The following PALM variants were observed in gnomAD, a reference collection of about 807,000 sequenced individuals.
The protein encoded by PALM is paralemmin-1.
PALM carries 18 observed loss-of-function variants against 30.7 expected under a neutral mutation model. The observed-to-expected ratio is 0.59, with a 90% CI of 0.41 to 0.87. The LOEUF is 0.87. Among genes scored for constraint, PALM ranks in the 40% least tolerant of loss-of-function variants. The probability of loss-of-function intolerance (pLI) is 0.00; values close to 1 mark genes in which losing one functional copy is unlikely to be tolerated. For synonymous variants in PALM, 286 were observed against 242.8 expected, an observed-to-expected ratio of 1.18 and a Z score of -1.66; for missense variants, 529 against 555.4, an observed-to-expected ratio of 0.95 and a Z score of 0.48.
At chr19:717,217 C>T (rs1198898726) in intron 1 of PALM, among the ~76,000 whole-genome samples, 5 of 152,098 alleles carry the variant, frequency 3.3e-5, no homozygotes, top group African/African-American at 9.7e-5. Context: ...TGTGAGCCAC[C>T]GCGCCCAGCA....
Position 746,367 on chromosome 19 carries a change from G to A in PALM, c.717G>A (p.Ala239=), listed in dbSNP as rs113723569. Residue 239 remains alanine (A), a synonymous_variant, in exon 9 of 9, where the codon GCG becomes GCA. Coordinates refer to ENST00000338448, the MANE Select transcript of PALM (RefSeq NM_002579.3). The surrounding 1 kb of genome is among the most constrained non-coding windows in gnomAD (Gnocchi z 7.1). ...SSEVDELIHK[A]DEVTLSEAGS... is the part of the protein sequence containing the mutation. ...AGGTGGACGAACTCATCCACAAAGC[G>A]GACGAGGTCACGCTGAGCGAGGCAG... is the stretch of plus-strand genomic sequence containing the variant. 5.0e-5 allele frequency: 81 copies of A among 1,613,478 alleles called. No individual in the cohort carries two copies. The highest frequency in any genetic ancestry group is 1.7e-4 in the Middle Eastern group (1 of 6,060).
At chr19:711,031 G>C (rs1416589549) in intron 1 of PALM, among the ~76,000 whole-genome samples, 1 of 152,244 alleles carries the variant, frequency 6.6e-6, no homozygotes, top group Admixed American at 6.5e-5. Flanking sequence ...TCGAAGACAC[G>C]GGAGCTGGCT....
intron 1 of PALM, among the ~76,000 whole-genome samples, chr19:718,027 C>G (rs926923618): frequency 2.0e-5 from 3 of 152,004 alleles, no homozygotes; most frequent in Non-Finnish European, 4.4e-5. Context: ...ACTAAAAATA[C>G]GAAAATTAGC....
At chr19:738,418 C>T (rs557851909) in intron 7 of PALM, among the ~76,000 whole-genome samples, 5 of 152,114 alleles carry the variant, frequency 3.3e-5, no homozygotes, top group East Asian at 1.9e-4. Context: ...CCCAGCTGCT[C>T]GGGAGCCTTA....
Position 722,111 on chromosome 19 carries a change from G to T in PALM, c.6-4027G>T, listed in dbSNP as rs528785159. Among the ~76,000 whole-genome samples, 3 of 150,468 alleles carry T rather than the reference G, an allele frequency of 2.0e-5. No individual in the cohort carries two copies. In the East Asian group the frequency reaches 5.9e-4, roughly 30 times the overall value. Reference sequence around the variant, plus strand: ...TTTTTTGTGTTTTTAGTAGAGACGGGGTTTCACCGTGTTAGCCAGGATGGT... The same window carrying T: ...TTTTTTGTGTTTTTAGTAGAGACGGTGTTTCACCGTGTTAGCCAGGATGGT... On this transcript the variant is annotated intron_variant, in intron 1 of 8. Coordinates refer to ENST00000338448, the MANE Select transcript of PALM (RefSeq NM_002579.3).
intron 1 of PALM, among the ~76,000 whole-genome samples, chr19:720,219 C>G (rs1008220453): frequency 6.6e-6 from 1 of 151,944 alleles, no homozygotes; most frequent in African/African-American, 2.4e-5. Flanking sequence ...CCCCGCGCGC[C>G]GGGCCTCGGC....
chr19:736,771 C>T (rs951337737), intron 7 of PALM, among the ~76,000 whole-genome samples: 16 of 152,174 alleles, frequency 1.1e-4, no homozygotes, highest in East Asian at 3.9e-4. Context: ...GGCAGAGGGC[C>T]GGGCGTGGTG....
intron 4 of PALM, among the ~76,000 whole-genome samples, chr19:728,521 G>A (rs749234288): frequency 3.3e-5 from 5 of 152,194 alleles, no homozygotes; most frequent in Non-Finnish European, 4.4e-5. Flanking sequence ...GTAAAGGCAT[G>A]GACAGGCCGG....
intron 2 of PALM, among the ~76,000 whole-genome samples, 184 bp from the exon 3 acceptor site, chr19:726,824 G>A (rs2032677135): frequency 6.6e-6 from 1 of 152,186 alleles, no homozygotes; most frequent in Non-Finnish European, 1.5e-5. Flanking sequence ...TTCGAGACAG[G>A]GTCTTGCGCT....
In PALM at chr19:727,696, TG is replaced by T. The variant is rs1472787748; in HGVS notation, c.269+7del. 1 of 1,551,618 alleles carries T rather than the reference TG, an allele frequency of 6.4e-7. No homozygotes were observed. The highest frequency in any genetic ancestry group is 8.7e-7 in the Non-Finnish European group (1 of 1,147,434). On this transcript the variant is annotated splice_donor_region_variant and intron_variant, in intron 4 of 8. Coordinates refer to ENST00000338448, the MANE Select transcript of PALM (RefSeq NM_002579.3). ...GCTGCTGGAGGACTCGGTGTCCAGG[TG>T]GGGGCTGCAGCGTGGGTGCCACCGG...
chr19:725,383 A>G (rs2032626288), intron 1 of PALM, among the ~76,000 whole-genome samples: 1 of 148,836 alleles, frequency 6.7e-6, no homozygotes, highest in East Asian at 2.0e-4. Flanking sequence ...ACATGGTGAA[A>G]CCCCTGTCTC....
intron 2 of PALM, 43 bp from the exon 3 acceptor site, chr19:726,965 G>GGGGGGGGGGCCCCCCCCC: frequency 9.6e-7 from 1 of 1,037,618 alleles, no homozygotes; most frequent in Non-Finnish European, 1.4e-6. Context: ...GGGTCTCCGG[G>GGGGGGGGGGCCCCCCCCC]ACCCCCACGC....
chr19:732,701 AAAC>A (rs2032910915), intron 5 of PALM, among the ~76,000 whole-genome samples: 1 of 151,938 alleles, frequency 6.6e-6, no homozygotes, highest in African/African-American at 2.4e-5. Flanking sequence ...CTAAAAAAAA[AAAC>A]CTGGTTCTGG....
chr19:734,068 C>T (rs1036752728), intron 5 of PALM, 105 bp from the exon 6 acceptor site: 12 of 948,074 alleles, frequency 1.3e-5, no homozygotes, highest in African/African-American at 6.5e-5. Flanking sequence ...GTGCGTATGA[C>T]GTCACCCACT....
chr19:729,788 C>T (rs901840689), intron 4 of PALM, among the ~76,000 whole-genome samples: 1 of 152,098 alleles, frequency 6.6e-6, no homozygotes, highest in Non-Finnish European at 1.5e-5. Context: ...TTCCAGCAAA[C>T]ATTAAGCACC....
rs373209337 is a variant in PALM at position 727,775 on chromosome 19, G to T, written c.269+81G>T. 4.7e-5 allele frequency: 64 copies of T among 1,352,628 alleles called. No homozygotes were observed. The African/African-American group carries it at 7.9e-4, about 17-fold the overall frequency. 83.8% of individuals were successfully genotyped at this position (1,352,628 alleles called of 1,614,324 possible). A position where few individuals can be genotyped will look rare whatever the true frequency, so the allele number is the denominator to read the frequency against. ...CTCCCGGGAGGGTGTGGGCTGGGAAGAGTCGTCAGTGTGCTTTGAGGGAGA... is the reference window on the plus strand; with the variant it reads ...CTCCCGGGAGGGTGTGGGCTGGGAATAGTCGTCAGTGTGCTTTGAGGGAGA... On this transcript the variant is annotated intron_variant, in intron 4 of 8. Coordinates refer to ENST00000338448, the MANE Select transcript of PALM (RefSeq NM_002579.3).
At chr19:718,362 C>T (rs146877072) in intron 1 of PALM, among the ~76,000 whole-genome samples, 2 of 152,282 alleles carry the variant, frequency 1.3e-5, no homozygotes, top group East Asian at 3.9e-4. Flanking sequence ...ATGCAGCCAG[C>T]ACAATGGCCC....
At chr19:738,692 G>A (rs940314936) in intron 7 of PALM, among the ~76,000 whole-genome samples, 5 of 152,118 alleles carry the variant, frequency 3.3e-5, no homozygotes, top group Non-Finnish European at 7.4e-5. Flanking sequence ...ATGGGTGTGC[G>A]GGAGATTAGA....
At chr19:741,920 C>G (rs1433120164) in intron 8 of PALM, among the ~76,000 whole-genome samples, 2 of 152,172 alleles carry the variant, frequency 1.3e-5, no homozygotes, top group African/African-American at 4.8e-5. Context: ...CATCACAGCT[C>G]ACTGCAGCCT....
Sources: allele counts gnomAD v4.1 joint callset (sites outside exome capture counted in the v4.1 genomes callset), GRCh38; gene constraint gnomAD v4.1.1; non-coding constraint Gnocchi (gnomAD v3.1); transcripts MANE v1.5; gene names NCBI Gene and HGNC (gene_info 2026-07-23, HGNC 2026-07-21).